Variants in CILP2 observed in about 807,000 individuals in gnomAD.
CILP2 encodes the protein cartilage intermediate layer protein 2.
In CILP2, 38 loss-of-function variants were observed where a neutral mutation model predicts 45.6. That is an observed-to-expected ratio of 0.83 (90% CI 0.64 to 1.09). The LOEUF is 1.09. Ranked by LOEUF, CILP2 falls within the 50% of genes least tolerant of loss-of-function variation. CILP2 has a pLI of 0.00. For missense variants in CILP2, 1,735 were observed against 1,662.2 expected (o/e 1.04, Z -0.76); for synonymous variants, 780 against 723.5 (o/e 1.08, Z -1.25).
chr19:19,544,859 TCCGCCAA>T lies in CILP2; in HGVS notation c.2317_2323del (p.Ala773ProfsTer118). The T allele has an allele frequency of 6.3e-7, 1 of 1,596,090 alleles. No individual in the cohort carries two copies. Among genetic ancestry groups the T allele is most frequent in the East Asian group, 2.2e-5 (1 of 44,784 alleles). On this transcript the variant is annotated frameshift_variant, in exon 8 of 8. Transcript: ENST00000291495. LOFTEE classifies it low-confidence loss of function (END_TRUNC). ...CAATCTGGAGCCCGCCCCCGGCTTCTCCGCCAACCCCCGTGCCTGGGGCCGCTTTGAC... is the reference window on the plus strand; with the variant it reads ...CAATCTGGAGCCCGCCCCCGGCTTCTCCCCCGTGCCTGGGGCCGCTTTGAC...
chr19:19,540,210 G>C lies in CILP2; in HGVS notation c.170G>C (p.Ser57Thr). 6.3e-7 allele frequency: 1 copy of C among 1,590,284 alleles called. No homozygotes were observed. Among genetic ancestry groups the C allele is most frequent in the Non-Finnish European group, 8.5e-7 (1 of 1,171,398 alleles). ...GCGCGTGCGGTGCCCGCAGAGGCCA[G>C]CGAGTGGACGTCCTGGTTCAACGTG... ...SPALEDWEEA[S>T]EWTSWFNVDH... The change falls in exon 3 of 8, where the codon AGC (serine) becomes ACC (threonine). Residue 57 changes from serine (S) to threonine (T), a missense_variant. Ser to Thr is a moderately conservative substitution (Grantham distance 58, BLOSUM62 1). Coordinates refer to ENST00000291495, the MANE Select transcript of CILP2 (RefSeq NM_153221.2).
chr19:19,542,476 G>A lies in CILP2; in HGVS notation c.694G>A (p.Asp232Asn). The change falls in exon 5 of 8, where the codon GAC (aspartate) becomes AAC (asparagine). Residue 232 changes from aspartate (D) to asparagine (N), a missense_variant. Asp to Asn is a conservative substitution (Grantham distance 23). Coordinates refer to ENST00000291495, the MANE Select transcript of CILP2 (RefSeq NM_153221.2). ...PLLGARVSLR[D>N]QPGTVATSDA... is the part of the protein sequence containing the mutation. ...GCTAGGAGCCAGGGTCTCCCTGCGA[G>A]ACCAGCCTGGCACTGTGGCCACCAG... is the stretch of plus-strand genomic sequence containing the variant. 1 of 1,613,558 alleles carries A rather than the reference G, an allele frequency of 6.2e-7. No homozygotes were observed. The highest frequency in any genetic ancestry group is 1.1e-5 in the South Asian group (1 of 91,078).
chr19:19,544,682 G>A lies in CILP2; in HGVS notation c.2137G>A (p.Val713Ile). Residue 713 changes from valine to isoleucine, a missense_variant, in exon 8 of 8, where the codon GTC becomes ATC. Coordinates refer to ENST00000291495, the MANE Select transcript of CILP2 (RefSeq NM_153221.2). ...SGPRVRREER[V>I]FLVGNVEIRE... The stretch of plus-strand genomic sequence containing the variant: ...CCCCCGGGTGCGCCGGGAGGAGCGC[G>A]TCTTCCTGGTGGGCAACGTGGAGAT... The A allele has an allele frequency of 2.5e-6, 4 of 1,575,894 alleles. 1 individual carries two copies. The highest frequency in any genetic ancestry group is 2.3e-5 in the South Asian group (2 of 87,300).
In CILP2 at chr19:19,544,259, C is replaced by CT; in HGVS notation, c.1715dup (p.Glu574ArgfsTer5). The CT allele has an allele frequency of 6.2e-7, 1 of 1,613,748 alleles. No homozygotes were observed. The highest frequency in any genetic ancestry group is 8.5e-7 in the Non-Finnish European group (1 of 1,180,006). On this transcript the variant is annotated frameshift_variant, in exon 8 of 8. Transcript: ENST00000291495. LOFTEE classifies it low-confidence loss of function (END_TRUNC). Reference sequence around the variant, plus strand: ...TACCAGCCAGAGCAACACGATCCCCCTGGGCGAGCTGGAAGATGAGGCGCC... The same window carrying CT: ...TACCAGCCAGAGCAACACGATCCCCCTTGGGCGAGCTGGAAGATGAGGCGCC...
At position 19,545,728 on chromosome 19, in the gene CILP2, C is replaced by T. The variant is rs754379746; in HGVS notation, c.3183C>T (p.Val1061=). Reference sequence around the variant, plus strand: ...ACCCTCTGGGCCACAACTATGGCGTCTACACTGTCACTGACCAGAGCCCAC... The same window carrying T: ...ACCCTCTGGGCCACAACTATGGCGTTTACACTGTCACTGACCAGAGCCCAC... ...PLDPLGHNYG[V]YTVTDQSPRL... The change falls in exon 8 of 8, where the codon GTC becomes GTT. Residue 1061 remains valine, a synonymous_variant. Coordinates refer to ENST00000291495, the MANE Select transcript of CILP2 (RefSeq NM_153221.2). The T allele has an allele frequency of 4.3e-6, 7 of 1,613,148 alleles. No homozygotes were observed. The highest frequency in any genetic ancestry group is 5.9e-6 in the Non-Finnish European group (7 of 1,179,842).
Position 19,545,383 on chromosome 19 carries a change from G to C in CILP2, c.2838G>C (p.Gln946His), listed in dbSNP as rs775833010. ...CCTGCTTCCTCAAGGTGAAGATCCAGGGTCCCCAGGAGTATATGGTCCGCT... is the reference window on the plus strand; with the variant it reads ...CCTGCTTCCTCAAGGTGAAGATCCACGGTCCCCAGGAGTATATGGTCCGCT... ...FRACFLKVKIQGPQEYMVRSH... is the reference protein window; with the variant it reads ...FRACFLKVKIHGPQEYMVRSH... The change falls in exon 8 of 8, where the codon CAG (glutamine) becomes CAC (histidine). Residue 946 changes from glutamine to histidine, a missense_variant. Physicochemically the swap from Gln to His is conservative, Grantham distance 24 (BLOSUM62 0). Transcript: ENST00000291495. The C allele has an allele frequency of 1.2e-6, 2 of 1,612,566 alleles. No individual in the cohort carries two copies. Among genetic ancestry groups the C allele is most frequent in the East Asian group, 2.2e-5 (1 of 44,846 alleles).
At chr19:19,541,301 G>A (rs939921375) in intron 4 of CILP2, 55 bp downstream of exon 4, 57 of 1,246,560 alleles carry the variant, frequency 4.6e-5, no homozygotes, top group Non-Finnish European at 5.7e-5. Flanking sequence ...GGAAGGGGAG[G>A]TTAGGGGCTG....
rs2061262946 is a variant in CILP2, at chr19:19,545,679, C to G, written c.3134C>G (p.Ala1045Gly). Residue 1045 changes from alanine to glycine, a missense_variant, in exon 8 of 8, where the codon GCC becomes GGC. Physicochemically the swap from Ala to Gly is moderately conservative, Grantham distance 60. Coordinates refer to ENST00000291495, the MANE Select transcript of CILP2 (RefSeq NM_153221.2). ...CCGGTGCCCGCGGAGGACCCAGCTG[C>G]CTTCTCCATGCTGGCCCCCCTAGAC... Reference protein sequence around the residue: ...PPPVPAEDPAAFSMLAPLDPL... With the variant: ...PPPVPAEDPAGFSMLAPLDPL... 1 of 1,611,778 alleles carries G rather than the reference C, an allele frequency of 6.2e-7. No homozygotes were observed. The highest frequency in any genetic ancestry group is 8.5e-7 in the Non-Finnish European group (1 of 1,179,256).
At position 19,544,954 on chromosome 19, in the gene CILP2, C is replaced by T. The variant is rs749246532; in HGVS notation, c.2409C>T (p.Asp803=). ...LPAFCDADRP[D]AYTALVTATL... ...CCTTCTGCGACGCCGACAGGCCAGA[C>T]GCCTACACCGCCCTGGTCACCGCCA... The change falls in exon 8 of 8, where the codon GAC becomes GAT. Residue 803 remains aspartate, a synonymous_variant. Coordinates refer to ENST00000291495, the MANE Select transcript of CILP2 (RefSeq NM_153221.2). The T allele has an allele frequency of 2.7e-5, 43 of 1,596,386 alleles. No individual in the cohort carries two copies. The highest frequency in any genetic ancestry group is 3.3e-5 in the Non-Finnish European group (39 of 1,178,148).
At position 19,545,535 on chromosome 19, in the gene CILP2, G is replaced by T. The variant is rs765011121; in HGVS notation, c.2990G>T (p.Gly997Val). Residue 997 changes from glycine (G) to valine (V), a missense_variant, in exon 8 of 8, where the codon GGG becomes GTG. Coordinates refer to ENST00000291495, the MANE Select transcript of CILP2 (RefSeq NM_153221.2). ...SAACVEFKCS[G>V]MLFDQRQVDR... ...GCCTGCGTGGAGTTCAAGTGCAGCG[G>T]GATGCTGTTCGACCAGCGGCAGGTG... 1 of 1,612,580 alleles carries T rather than the reference G, an allele frequency of 6.2e-7. No homozygotes were observed. Among genetic ancestry groups the T allele is most frequent in the Non-Finnish European group, 8.5e-7 (1 of 1,179,780 alleles).
Position 19,540,431 on chromosome 19 carries a change from G to A in CILP2, c.391G>A (p.Gly131Ser). Residue 131 changes from glycine (G) to serine (S), a missense_variant, in exon 3 of 8, where the codon GGC becomes AGC. Coordinates refer to ENST00000291495, the MANE Select transcript of CILP2 (RefSeq NM_153221.2). Reference sequence around the variant, plus strand: ...GTGCCTCAACCGCGAGCAACCGCGTGGCCGCCGCTGCTCCAACTACCACGT... The same window carrying A: ...GTGCCTCAACCGCGAGCAACCGCGTAGCCGCCGCTGCTCCAACTACCACGT... ...FWCLNREQPR[G>S]RRCSNYHVRF... 1 of 1,480,454 alleles carries A rather than the reference G, an allele frequency of 6.8e-7. No individual in the cohort carries two copies. The highest frequency in any genetic ancestry group is 1.3e-5 in the South Asian group (1 of 75,624). The allele number at this position is 1,480,454 out of a possible 1,614,324, so 91.7% of individuals were successfully genotyped here.
At chr19:19,543,478 C>G in intron 7 of CILP2, 73 bp downstream of exon 7, 1 of 1,554,288 alleles carries the variant, frequency 6.4e-7, no homozygotes, top group Middle Eastern at 1.7e-4. Flanking sequence ...AAGCTCAACC[C>G]CAAATGGAGC....
chr19:19,542,956 C>T lies in CILP2; in HGVS notation c.961C>T (p.Pro321Ser). The T allele has an allele frequency of 1.2e-6, 2 of 1,611,870 alleles. No homozygotes were observed. Among genetic ancestry groups the T allele is most frequent in the Non-Finnish European group, 1.7e-6 (2 of 1,178,020 alleles). Residue 321 changes from proline (P) to serine (S), a missense_variant, in exon 6 of 8, where the codon CCC becomes TCC. Physicochemically the swap from Pro to Ser is moderately conservative, Grantham distance 74. Coordinates refer to ENST00000291495, the MANE Select transcript of CILP2 (RefSeq NM_153221.2). ...FCCKASGTPM[P>S]KKYSWFHNGT... The stretch of plus-strand genomic sequence containing the variant: ...CTGCAAAGCCTCCGGGACCCCCATG[C>T]CCAAGAAATACTCCTGGTGAGCGCC...
Position 19,538,367 on chromosome 19 carries a change from A to C in CILP2, c.18A>C (p.Pro6=). Residue 6 remains proline, a synonymous_variant, in exon 1 of 8, where the codon CCA becomes CCC. Coordinates refer to ENST00000291495, the MANE Select transcript of CILP2 (RefSeq NM_153221.2). ...CCCCGGCCATGGCGTCGCTGCTGCC[A>C]CTGCTCTGTCTCTGTGTCGTCGCTG... The part of the protein sequence containing the change: MASLL[P]LLCLCVVAAH... 2 of 1,580,692 alleles carry C rather than the reference A, an allele frequency of 1.3e-6. No homozygotes were observed. The highest frequency in any genetic ancestry group is 1.7e-6 in the Non-Finnish European group (2 of 1,171,636).
In CILP2 at chr19:19,543,901, C is replaced by G; in HGVS notation, c.1356C>G (p.Gly452=). The G allele has an allele frequency of 6.2e-7, 1 of 1,613,772 alleles. No homozygotes were observed. The highest frequency in any genetic ancestry group is 8.5e-7 in the Non-Finnish European group (1 of 1,179,762). ...AGAGAAGGGAGATTCACTGCCCTGGCTACGTCCTCCCAGTGAAGGTGGTGG... is the reference window on the plus strand; with the variant it reads ...AGAGAAGGGAGATTCACTGCCCTGGGTACGTCCTCCCAGTGAAGGTGGTGG... ...RLERREIHCP[G]YVLPVKVVAE... Residue 452 remains glycine, a synonymous_variant, in exon 8 of 8, where the codon GGC becomes GGG. Coordinates refer to ENST00000291495, the MANE Select transcript of CILP2 (RefSeq NM_153221.2).
In CILP2 at chr19:19,544,555, C is replaced by T. The variant is rs999039679; in HGVS notation, c.2010C>T (p.Ile670=). The T allele has an allele frequency of 2.5e-6, 4 of 1,579,292 alleles. No homozygotes were observed. In the Admixed American group the frequency reaches 5.2e-5, roughly 21 times the overall value. Residue 670 remains isoleucine (I), a synonymous_variant, in exon 8 of 8, where the codon ATC becomes ATT. Coordinates refer to ENST00000291495, the MANE Select transcript of CILP2 (RefSeq NM_153221.2). The part of the protein sequence containing the change: ...PVAVRVAASQ[I]HMPGHVEALK... ...CCGTGCGGGTGGCCGCCAGCCAGAT[C>T]CACATGCCAGGCCACGTGGAGGCCC...
Position 19,538,316 on chromosome 19 carries a change from G to T in CILP2, c.-34G>T. The T allele has an allele frequency of 6.4e-7, 1 of 1,554,988 alleles. No homozygotes were observed. Among genetic ancestry groups the T allele is most frequent in the Non-Finnish European group, 8.6e-7 (1 of 1,158,292 alleles). ...GAGTTGGACCCGAGCACGCCGCGGAGCCCGGACCCTCCCTCGGACGCTCTG... is the reference window on the plus strand; with the variant it reads ...GAGTTGGACCCGAGCACGCCGCGGATCCCGGACCCTCCCTCGGACGCTCTG... On this transcript the variant is annotated 5_prime_UTR_variant, in exon 1 of 8. Coordinates refer to ENST00000291495, the MANE Select transcript of CILP2 (RefSeq NM_153221.2).
At position 19,546,080 on chromosome 19, in the gene CILP2, C is replaced by T; in HGVS notation, c.*64C>T. ...TCCTTTGACCCCAGGAAGTTTTGCC[C>T]CTCCTTCTTCTCCAGACAGCCCCCT... On this transcript the variant is annotated 3_prime_UTR_variant, in exon 8 of 8. Coordinates refer to ENST00000291495, the MANE Select transcript of CILP2 (RefSeq NM_153221.2). 8.3e-6 allele frequency: 11 copies of T among 1,322,492 alleles called. No homozygotes were observed. The highest frequency in any genetic ancestry group is 3.3e-5 in the Admixed American group (1 of 30,522). 81.9% of individuals were successfully genotyped at this position (1,322,492 alleles called of 1,614,324 possible).
chr19:19,544,441 C>G lies in CILP2; in HGVS notation c.1896C>G (p.Gly632=). Residue 632 remains glycine (G), a synonymous_variant, in exon 8 of 8, where the codon GGC becomes GGG. Coordinates refer to ENST00000291495, the MANE Select transcript of CILP2 (RefSeq NM_153221.2). ...ACCTGCGCTTCGTGGACAGCGACGG[C>G]GAGCTGGCTCCACTGCGCACCTACG... ...PSDLRFVDSD[G]ELAPLRTYGM... 6.2e-7 allele frequency: 1 copy of G among 1,609,746 alleles called. No homozygotes were observed. The highest frequency in any genetic ancestry group is 8.5e-7 in the Non-Finnish European group (1 of 1,179,698).
Sources: allele counts gnomAD v4.1 joint callset, GRCh38; gene constraint gnomAD v4.1.1; transcripts MANE v1.5; gene names NCBI Gene and HGNC (gene_info 2026-07-23, HGNC 2026-07-21).